The following ZFYVE16 variants were observed in gnomAD, a reference collection of about 807,000 sequenced individuals.
The protein encoded by ZFYVE16 is zinc finger FYVE domain-containing protein 16.
ZFYVE16 carries 89 observed loss-of-function variants against 138.1 expected under a neutral mutation model. The ratio of observed to expected loss-of-function variants is 0.64; its 90% confidence interval spans 0.54 to 0.77. The LOEUF (loss-of-function observed/expected upper bound fraction) is 0.77. Ranked by LOEUF, ZFYVE16 falls within the 30% of genes least tolerant of loss-of-function variation. ZFYVE16 has a pLI of 0.00. For missense variants in ZFYVE16, 1,793 were observed against 1,786.7 expected (o/e 1.00, Z -0.06); for synonymous variants, 596 against 618.3 (o/e 0.96, Z 0.53).
intron 1 of ZFYVE16, among the ~76,000 whole-genome samples, chr5:80,426,272 G>GTGTGTATATATATATA (rs1370196862): frequency 7.6e-5 from 2 of 26,470 alleles, no homozygotes; most frequent in African/African-American, 1.2e-4. Flanking sequence ...GTGTGTGTGT[G>GTGTGTATATATATATA]TATATATATA....
Position 80,477,469 on chromosome 5 carries a change from A to C in ZFYVE16, c.*92A>C. The C allele has an allele frequency of 8.2e-7, 1 of 1,216,310 alleles. No homozygotes were observed. The highest frequency in any genetic ancestry group is 2.7e-5 in the East Asian group (1 of 36,892). The allele number at this position is 1,216,310 out of a possible 1,614,324, so 75.3% of individuals were successfully genotyped here. On this transcript the variant is annotated 3_prime_UTR_variant, in exon 19 of 19. Coordinates refer to ENST00000505560, the MANE Select transcript of ZFYVE16 (RefSeq NM_001284236.3). Reference sequence around the variant, plus strand: ...AAATGCCACAAACACTAAAAGTATAAATATGTCTGATTTTTGAAACACATA... The same window carrying C: ...AAATGCCACAAACACTAAAAGTATACATATGTCTGATTTTTGAAACACATA...
chr5:80,427,610 C>CTTTTTTTTTTTTTTTTTGTTTTTTTTTT (rs1748276560), intron 2 of ZFYVE16, 65 bp downstream of exon 2: 1 of 50,008 alleles, frequency 2.0e-5, no homozygotes, highest in Non-Finnish European at 4.1e-5. Context: ...CTGTCGTATG[C>CTTTTTTTTTTTTTTTTTGTTTTTTTTTT]TTTTTTTTTT....
chr5:80,473,728 CTATTG>C (rs1407692040), intron 16 of ZFYVE16, 21 bp from the exon 17 acceptor site: 2 of 1,489,396 alleles, frequency 1.3e-6, no homozygotes, highest in African/African-American at 2.8e-5. Flanking sequence ...GCTAATAATT[CTATTG>C]TATTATGTTT....
At chr5:80,435,069 C>T (rs966839608) in intron 3 of ZFYVE16, among the ~76,000 whole-genome samples, 1 of 151,338 alleles carries the variant, frequency 6.6e-6, no homozygotes, top group Non-Finnish European at 1.5e-5. Flanking sequence ...GAGTCTCACT[C>T]TCTTGTCCAG....
At chr5:80,431,962 AT>A in intron 2 of ZFYVE16, among the ~76,000 whole-genome samples, 1 of 152,362 alleles carries the variant, frequency 6.6e-6, no homozygotes, top group East Asian at 1.9e-4. Flanking sequence ...AGAACATTCC[AT>A]GCTCATGGAT....
intron 18 of ZFYVE16, 57 bp from the exon 19 acceptor site, chr5:80,477,162 C>T (rs959643103): frequency 6.5e-6 from 9 of 1,374,720 alleles, no homozygotes; most frequent in Non-Finnish European, 8.9e-6. Flanking sequence ...TTTATATTCA[C>T]ATTCCGAGTT....
rs535155418 is a variant in ZFYVE16 at position 80,478,960 on chromosome 5, A to G, written c.*1583A>G. The G allele has an allele frequency of 8.5e-5, 13 of 152,268 alleles. No homozygotes were observed. Among genetic ancestry groups the G allele is most frequent in the African/African-American group, 2.9e-4 (12 of 41,576 alleles). 9.4% of individuals were successfully genotyped at this position (152,268 alleles called of 1,614,324 possible). On this transcript the variant is annotated 3_prime_UTR_variant, in exon 19 of 19. Transcript: ENST00000505560. ...TGAAAACAATTGCATATCAAACCCA[A>G]TTTATGTTTTCTAAATATAGTGTAT...
At chr5:80,458,858 C>T (rs1185535759) in intron 14 of ZFYVE16, among the ~76,000 whole-genome samples, 1 of 152,126 alleles carries the variant, frequency 6.6e-6, no homozygotes, top group East Asian at 1.9e-4. Context: ...TTTCCTACAC[C>T]CTCACTAATA....
At chr5:80,448,895 C>G (rs375711511) in intron 8 of ZFYVE16, among the ~76,000 whole-genome samples, 4 of 152,168 alleles carry the variant, frequency 2.6e-5, no homozygotes, top group South Asian at 4.1e-4. Flanking sequence ...GCAGGAGATT[C>G]TATGGCTAAC....
At chr5:80,451,936 T>G in intron 11 of ZFYVE16, 2 of 454,260 alleles carry the variant, frequency 4.4e-6, no homozygotes, top group Non-Finnish European at 7.7e-6. Context: ...ACCTAAAACT[T>G]TTCTTCTTAA....
chr5:80,456,637 A>T, intron 13 of ZFYVE16, 72 bp downstream of exon 13: 2 of 1,388,282 alleles, frequency 1.4e-6, no homozygotes, highest in Non-Finnish European at 2.0e-6. Context: ...GTCACATTAA[A>T]TTTTTTGTTT....
intron 1 of ZFYVE16, among the ~76,000 whole-genome samples, chr5:80,426,143 ATAT>A (rs1561245171): frequency 1.3e-5 from 2 of 151,672 alleles, no homozygotes; most frequent in Non-Finnish European, 2.9e-5. Context: ...GGAAATTTCA[ATAT>A]TATTAAGGAC....
At chr5:80,451,459 C>G (rs776859049) in intron 10 of ZFYVE16, 26 bp from the exon 11 acceptor site, 3 of 1,549,186 alleles carry the variant, frequency 1.9e-6, no homozygotes, top group Non-Finnish European at 2.6e-6. Flanking sequence ...AACTTAAAAT[C>G]TTTTTACTAA....
intron 1 of ZFYVE16, among the ~76,000 whole-genome samples, chr5:80,418,462 AC>A (rs2112192114): frequency 6.6e-6 from 1 of 151,682 alleles, no homozygotes; most frequent in South Asian, 2.1e-4. Context: ...ATAGGTATGC[AC>A]CCCCACACCT....
chr5:80,416,271 TTTG>T (rs1313889004), intron 1 of ZFYVE16, among the ~76,000 whole-genome samples: 50 of 145,170 alleles, frequency 3.4e-4, no homozygotes, highest in African/African-American at 1.1e-3. Context: ...TTTTTTTTTT[TTTG>T]AGACAAAGTC....
intron 5 of ZFYVE16, chr5:80,441,691 A>G: frequency 2.1e-6 from 2 of 973,046 alleles, no homozygotes; most frequent in South Asian, 4.8e-5. Flanking sequence ...GCACACGTGA[A>G]TATCAATAAG....
chr5:80,427,841 G>A lies in ZFYVE16; in HGVS notation c.-40+296G>A, dbSNP rs190522966. On this transcript the variant is annotated intron_variant, in intron 2 of 18. Coordinates refer to ENST00000505560, the MANE Select transcript of ZFYVE16 (RefSeq NM_001284236.3). Reference sequence around the variant, plus strand: ...TCAAAAGTTAACTGAGCCTGGTGGCGCACGCCTGTAGTCCCAGCTACTCAG... The same window carrying A: ...TCAAAAGTTAACTGAGCCTGGTGGCACACGCCTGTAGTCCCAGCTACTCAG... 6.1e-3 allele frequency among the ~76,000 whole-genome samples: 929 copies of A among 151,082 alleles called. 10 individuals carry two copies. Among genetic ancestry groups the A allele is most frequent in the African/African-American group, 0.021 (855 of 41,300 alleles).
At chr5:80,417,827 G>T (rs1180783931) in intron 1 of ZFYVE16, among the ~76,000 whole-genome samples, 1 of 152,122 alleles carries the variant, frequency 6.6e-6, no homozygotes. Flanking sequence ...CAAATCAGAT[G>T]AGTAAATACC....
At chr5:80,475,678 T>G (rs1754833944) in intron 18 of ZFYVE16, among the ~76,000 whole-genome samples, 1 of 152,214 alleles carries the variant, frequency 6.6e-6, no homozygotes, top group Non-Finnish European at 1.5e-5. Flanking sequence ...CTAGCAGACA[T>G]TCTTTTTTAA....
Sources: allele counts gnomAD v4.1 joint callset (sites outside exome capture counted in the v4.1 genomes callset), GRCh38; gene constraint gnomAD v4.1.1; transcripts MANE v1.5; gene names NCBI Gene and HGNC (gene_info 2026-07-23, HGNC 2026-07-21).